Variants in SH3GL3 observed in about 807,000 individuals in gnomAD.
SH3GL3 encodes endophilin-A3.
A neutral mutation model predicts 47.7 loss-of-function variants in SH3GL3; 33 were observed. The observed-to-expected ratio is 0.69, with a 90% CI of 0.52 to 0.92. SH3GL3 has a LOEUF of 0.92. SH3GL3 is among the 40% of genes least tolerant of loss of function. The pLI, the probability that SH3GL3 is intolerant of heterozygous loss-of-function variation, is 0.00. For missense variants in SH3GL3, 363 were observed against 417.8 expected (o/e 0.87, Z 1.14); for synonymous variants, 155 against 148.8 (o/e 1.04, Z -0.30).
At chr15:83,561,325 G>A (rs2045259057) in intron 2 of SH3GL3, among the ~76,000 whole-genome samples, 1 of 151,960 alleles carries the variant, frequency 6.6e-6, no homozygotes, top group Non-Finnish European at 1.5e-5. Context: ...CTGGATGTTT[G>A]GAAATTTAAA....
chr15:83,576,424 C>G (rs2059680606), intron 5 of SH3GL3, among the ~76,000 whole-genome samples, 159 bp from the exon 6 acceptor site: 1 of 152,170 alleles, frequency 6.6e-6, no homozygotes. Context: ...AGGGGAGCCT[C>G]CATCAGGTGC....
chr15:83,529,778 C>T (rs1471993695), intron 1 of SH3GL3, among the ~76,000 whole-genome samples: 1 of 152,028 alleles, frequency 6.6e-6, no homozygotes, highest in Non-Finnish European at 1.5e-5. Flanking sequence ...CTTTCAGGCT[C>T]TTGGGAGTGT....
intron 4 of SH3GL3, among the ~76,000 whole-genome samples, chr15:83,571,097 T>TG (rs996598635): frequency 2.6e-5 from 4 of 152,170 alleles, no homozygotes; most frequent in African/African-American, 9.7e-5. Context: ...TGTTTTCTTT[T>TG]GGGGGGCCAC....
intron 8 of SH3GL3, among the ~76,000 whole-genome samples, chr15:83,602,111 C>T (rs1216829721): frequency 2.0e-5 from 3 of 152,126 alleles, no homozygotes; most frequent in Non-Finnish European, 4.4e-5. Flanking sequence ...CATCATATGG[C>T]TTCCTAGTTG....
intron 8 of SH3GL3, among the ~76,000 whole-genome samples, chr15:83,593,121 G>A (rs1186587381): frequency 1.3e-5 from 2 of 152,134 alleles, no homozygotes; most frequent in Admixed American, 1.3e-4. Flanking sequence ...TTTGAGGTCA[G>A]GCCCTGTTAG....
chr15:83,559,470 C>T (rs1194083084), intron 2 of SH3GL3, 149 bp downstream of exon 2: 1 of 585,336 alleles, frequency 1.7e-6, no homozygotes, highest in Non-Finnish European at 3.1e-6. Context: ...TACTTTCCCA[C>T]GTCCCAGCCC....
At chr15:83,577,426 G>A (rs539960392) in intron 6 of SH3GL3, among the ~76,000 whole-genome samples, 1 of 151,788 alleles carries the variant, frequency 6.6e-6, no homozygotes, top group Admixed American at 6.5e-5. Context: ...TTGGAGACAG[G>A]GTCTCACTCT....
chr15:83,569,094 G>A (rs1238928663), intron 4 of SH3GL3, among the ~76,000 whole-genome samples: 4 of 151,844 alleles, frequency 2.6e-5, no homozygotes, highest in South Asian at 2.1e-4. Context: ...ACAGGGTTTC[G>A]CCATTTTGGC....
At chr15:83,462,476 A>G (rs767475946) in intron 1 of SH3GL3, among the ~76,000 whole-genome samples, 14 of 152,170 alleles carry the variant, frequency 9.2e-5, no homozygotes, top group Non-Finnish European at 1.9e-4. Flanking sequence ...GGGCCCTTTT[A>G]CAGAGTTAGC....
intron 1 of SH3GL3, among the ~76,000 whole-genome samples, chr15:83,524,106 T>G (rs1014143704): frequency 1.3e-5 from 2 of 152,198 alleles, no homozygotes; most frequent in African/African-American, 4.8e-5. Context: ...ATATGGTTGG[T>G]GTAAGAGAAG....
intron 1 of SH3GL3, among the ~76,000 whole-genome samples, chr15:83,477,646 C>G (rs1163593401): frequency 6.6e-6 from 1 of 152,128 alleles, no homozygotes; most frequent in Non-Finnish European, 1.5e-5. Context: ...CATATATGTT[C>G]TATAGGCTTT....
At chr15:83,586,235 C>T (rs1169080942) in intron 6 of SH3GL3, among the ~76,000 whole-genome samples, 1 of 152,184 alleles carries the variant, frequency 6.6e-6, no homozygotes, top group African/African-American at 2.4e-5. Context: ...AGCAGGAAAG[C>T]TCTCAGGCCT....
chr15:83,613,541 C>G (rs1465741236), intron 8 of SH3GL3, among the ~76,000 whole-genome samples: 1 of 152,166 alleles, frequency 6.6e-6, no homozygotes, highest in East Asian at 1.9e-4. Flanking sequence ...GGTGCATACA[C>G]TTGGACAAAT....
chr15:83,487,568 GT>G (rs1187215151), intron 1 of SH3GL3, among the ~76,000 whole-genome samples: 1 of 152,052 alleles, frequency 6.6e-6, no homozygotes, highest in Admixed American at 6.5e-5. Context: ...TTGAGGAACG[GT>G]TTCTGTCCTC....
At chr15:83,474,303 T>C (rs1431636352) in intron 1 of SH3GL3, among the ~76,000 whole-genome samples, 1 of 152,208 alleles carries the variant, frequency 6.6e-6, no homozygotes, top group Non-Finnish European at 1.5e-5. Flanking sequence ...GATGGTGAAT[T>C]GGGGCCTGAA....
intron 1 of SH3GL3, among the ~76,000 whole-genome samples, chr15:83,552,249 G>C (rs2044703745): frequency 6.6e-6 from 1 of 152,176 alleles, no homozygotes; most frequent in African/African-American, 2.4e-5. Context: ...GTGTCAGTTT[G>C]AAACATTAAA....
chr15:83,507,229 C>G (rs1211310918), intron 1 of SH3GL3, among the ~76,000 whole-genome samples: 1 of 151,870 alleles, frequency 6.6e-6, no homozygotes, highest in South Asian at 2.1e-4. Flanking sequence ...AGGATGGTCT[C>G]GATCTCCTGA....
At chr15:83,596,585 T>C (rs1324839223) in intron 8 of SH3GL3, among the ~76,000 whole-genome samples, 3 of 152,220 alleles carry the variant, frequency 2.0e-5, no homozygotes, top group African/African-American at 7.2e-5. Context: ...ATTGACCCTT[T>C]TAGTCTGATT....
At chr15:83,630,994 T>C in the SH3GL3 span, among the ~76,000 whole-genome samples, 1 of 152,254 alleles carries the variant, frequency 6.6e-6, no homozygotes, top group East Asian at 1.9e-4. Context: ...AACAAGTTAG[T>C]TACTTCCTAG....
Sources: gnomAD v4.1 joint callset for allele counts (sites outside exome capture counted in the v4.1 genomes callset) on GRCh38, gnomAD v4.1.1 for gene constraint, MANE v1.5 for transcripts, NCBI Gene and HGNC (gene_info 2026-07-23, HGNC 2026-07-21) for gene names.